SLC28A2: variants seen among roughly 807,000 people sequenced by gnomAD.
SLC28A2 encodes the protein sodium/nucleoside cotransporter 2.
A neutral mutation model predicts 72.9 loss-of-function variants in SLC28A2; 69 were observed. The observed-to-expected ratio is 0.95, with a 90% CI of 0.78 to 1.16. SLC28A2 has a LOEUF of 1.16. SLC28A2 is among the 50% of genes most tolerant of loss of function. The pLI, the probability that SLC28A2 is intolerant of heterozygous loss-of-function variation, is 0.00. For synonymous variants in SLC28A2, 296 were observed against 294.1 expected (o/e 1.01, Z -0.07); for missense variants, 745 against 791.1 (o/e 0.94, Z 0.70).
At chr15:45,254,365 C>T (rs954566750) in intron 3 of SLC28A2, among the ~76,000 whole-genome samples, 7 of 152,152 alleles carry the variant, frequency 4.6e-5, no homozygotes, top group Non-Finnish European at 8.8e-5. Flanking sequence ...CATTACACAA[C>T]GGTGGTCCCA....
rs775916762 is a variant in SLC28A2 at position 45,267,742 on chromosome 15, C to A, written c.1145C>A (p.Pro382Gln). 1 of 1,614,034 alleles carries A rather than the reference C, an allele frequency of 6.2e-7. No individual in the cohort carries two copies. The highest frequency in any genetic ancestry group is 8.5e-7 in the Non-Finnish European group (1 of 1,180,014). The change falls in exon 12 of 18, where the codon CCG becomes CAG. Residue 382 changes from proline (P) to glutamine (Q), a missense_variant. Transcript: ENST00000347644. ...CALASSKLAY[P>Q]EVEESKFKSE... Reference sequence around the variant, plus strand: ...CTCGCCTCATCAAAGCTAGCGTATCCGGAAGTGGAGGAGTCCAAGTTCAAG... The same window carrying A: ...CTCGCCTCATCAAAGCTAGCGTATCAGGAAGTGGAGGAGTCCAAGTTCAAG...
chr15:45,252,756 T>C (rs1361003234), intron 1 of SLC28A2, among the ~76,000 whole-genome samples: 2 of 152,220 alleles, frequency 1.3e-5, no homozygotes, highest in African/African-American at 4.8e-5. Flanking sequence ...AGCAATACTT[T>C]AGGGTCCGGG....
chr15:45,258,948 CT>C (rs1185802193), intron 3 of SLC28A2, among the ~76,000 whole-genome samples: 2 of 152,124 alleles, frequency 1.3e-5, no homozygotes, highest in African/African-American at 4.8e-5. Flanking sequence ...TTTCACTCCC[CT>C]GGCAGTGTTA....
At chr15:45,263,295 C>T (rs376281521) in intron 5 of SLC28A2, 51 bp downstream of exon 5, 266 of 1,560,382 alleles carry the variant, frequency 1.7e-4, no homozygotes, top group Non-Finnish European at 2.2e-4. Flanking sequence ...CAGCCCACCT[C>T]CTTTTTTCTC....
intron 17 of SLC28A2, 133 bp from the exon 18 acceptor site, chr15:45,275,263 A>T: frequency 1.6e-6 from 1 of 639,972 alleles, no homozygotes. Flanking sequence ...ATTGGGTTCT[A>T]TTTGGTCATG....
intron 5 of SLC28A2, 119 bp downstream of exon 5, chr15:45,263,363 C>T (rs1900224094): frequency 3.1e-6 from 3 of 962,216 alleles, no homozygotes; most frequent in Non-Finnish European, 4.5e-6. Flanking sequence ...AGAACCAAAG[C>T]GCAGAGAAAA....
At chr15:45,261,368 G>A (rs562616815) in intron 3 of SLC28A2, among the ~76,000 whole-genome samples, 255 of 152,280 alleles carry the variant, frequency 1.7e-3, no homozygotes, top group African/African-American at 6.1e-3. Flanking sequence ...TTTCCATACT[G>A]TAAAATGGGA....
chr15:45,266,908 T>C (rs148394218), intron 10 of SLC28A2, among the ~76,000 whole-genome samples: 325 of 152,324 alleles, frequency 2.1e-3, no homozygotes, highest in African/African-American at 7.6e-3. Context: ...ACATAGTTGG[T>C]ACTTGTTAAA....
chr15:45,264,297 GA>G (rs1355502890), intron 6 of SLC28A2, among the ~76,000 whole-genome samples: 3 of 151,040 alleles, frequency 2.0e-5, no homozygotes, highest in African/African-American at 7.3e-5. Flanking sequence ...AAGAACAAAA[GA>G]AAAAAAATAA....
chr15:45,265,578 T>C lies in SLC28A2; in HGVS notation c.781-5T>C. The C allele has an allele frequency of 1.2e-6, 2 of 1,608,198 alleles. No homozygotes were observed. Among genetic ancestry groups the C allele is most frequent in the Middle Eastern group, 1.7e-4 (1 of 6,050 alleles). On this transcript the variant is annotated splice_polypyrimidine_tract_variant and splice_region_variant and intron_variant, in intron 8 of 17. Transcript: ENST00000347644. Reference sequence around the variant, plus strand: ...TCTCACCACCTGCTACCATTCTCATTACAGGCCTTACCAATCATCATTTTC... The same window carrying C: ...TCTCACCACCTGCTACCATTCTCATCACAGGCCTTACCAATCATCATTTTC...
At position 45,266,022 on chromosome 15, in the gene SLC28A2, C is replaced by T. The variant is rs774707604; in HGVS notation, c.862-59C>T. ...GTAAAGTGGAGGAGGAGGAGTTTTG[C>T]GAGATGTTCTCCAAGATTCCTGCTA... On this transcript the variant is annotated intron_variant, in intron 9 of 17. Coordinates refer to ENST00000347644, the MANE Select transcript of SLC28A2 (RefSeq NM_004212.4). The T allele has an allele frequency of 5.7e-5, 70 of 1,221,960 alleles. 1 individual carries two copies. In the African/African-American group the frequency reaches 7.6e-4, roughly 13 times the overall value. 75.7% of individuals were successfully genotyped at this position (1,221,960 alleles called of 1,614,324 possible).
intron 4 of SLC28A2, among the ~76,000 whole-genome samples, 189 bp downstream of exon 4, chr15:45,262,295 T>C (rs1256923716): frequency 6.6e-6 from 1 of 152,186 alleles, no homozygotes; most frequent in Non-Finnish European, 1.5e-5. Flanking sequence ...ACAAGTGAAA[T>C]CTGAGAATAA....
chr15:45,270,364 G>A (rs1262271045), intron 15 of SLC28A2, 88 bp downstream of exon 15: 4 of 905,510 alleles, frequency 4.4e-6, no homozygotes, highest in Non-Finnish European at 5.5e-6. Flanking sequence ...AGTACAAGCT[G>A]GGATCAGATA....
intron 3 of SLC28A2, among the ~76,000 whole-genome samples, chr15:45,261,526 C>T (rs1298022863): frequency 2.0e-5 from 3 of 152,206 alleles, no homozygotes; most frequent in African/African-American, 7.2e-5. Context: ...GGCCTCTTCT[C>T]TCAGGCCTGC....
At chr15:45,252,708 A>G (rs16941032) in intron 1 of SLC28A2, among the ~76,000 whole-genome samples, 10,645 of 152,248 alleles carry the variant, frequency 0.07, 1,273 homozygotes, top group African/African-American at 0.24. Flanking sequence ...GCTACATTAT[A>G]GTCAGGAATT....
chr15:45,266,264 C>A, intron 10 of SLC28A2, 103 bp downstream of exon 10: 1 of 828,664 alleles, frequency 1.2e-6, no homozygotes, highest in Non-Finnish European at 2.1e-6. Context: ...TAAATGAAGA[C>A]TGTGGGGCAG....
At chr15:45,262,989 C>A in intron 4 of SLC28A2, 72 bp from the exon 5 acceptor site, 2 of 1,319,330 alleles carry the variant, frequency 1.5e-6, no homozygotes, top group Non-Finnish European at 2.1e-6. Context: ...CCCAGGCATT[C>A]ATGACTGGAG....
intron 14 of SLC28A2, 62 bp from the exon 15 acceptor site, chr15:45,270,133 T>C: frequency 2.7e-6 from 3 of 1,118,668 alleles, no homozygotes; most frequent in Non-Finnish European, 4.1e-6. Context: ...ACTTCTATTG[T>C]GATTATAAGA....
At position 45,253,496 on chromosome 15, in the gene SLC28A2, G is replaced by C. The variant is rs766086472; in HGVS notation, c.146G>C (p.Gly49Ala). 4 of 1,613,154 alleles carry C rather than the reference G, an allele frequency of 2.5e-6. No individual in the cohort carries two copies. Among genetic ancestry groups the C allele is most frequent in the Non-Finnish European group, 3.4e-6 (4 of 1,179,492 alleles). Residue 49 changes from glycine (G) to alanine (A), a missense_variant, in exon 3 of 18, where the codon GGA (glycine) becomes GCA (alanine). Transcript: ENST00000347644. ...GCACAAGGACACAGCCTGGGGGATG[G>C]ACTGGGCCCTTCCACTTACCAGAGG... ...TDAQGHSLGD[G>A]LGPSTYQRRS...
Sources: gnomAD v4.1 joint callset for allele counts (sites outside exome capture counted in the v4.1 genomes callset) on GRCh38, gnomAD v4.1.1 for gene constraint, MANE v1.5 for transcripts, NCBI Gene and HGNC (gene_info 2026-07-23, HGNC 2026-07-21) for gene names.